Variants in FBXO36 observed in about 807,000 individuals in gnomAD.
The protein encoded by FBXO36 is F-box only protein 36.
A neutral mutation model predicts 17.0 loss-of-function variants in FBXO36; 18 were observed. The observed-to-expected ratio is 1.06, with a 90% CI of 0.73 to 1.57. The LOEUF is 1.57. Ranked by LOEUF, FBXO36 falls within the 40% of genes most tolerant of loss-of-function variation. The pLI, the probability that FBXO36 is intolerant of heterozygous loss-of-function variation, is 0.00. For synonymous variants in FBXO36, 83 were observed against 85.3 expected (o/e 0.97, Z 0.15); for missense variants, 229 against 221.9 (o/e 1.03, Z -0.20).
chr2:230,004,703 A>G (rs937447386), intron 3 of FBXO36, among the ~76,000 whole-genome samples: 2 of 152,108 alleles, frequency 1.3e-5, no homozygotes, highest in Admixed American at 1.3e-4. Flanking sequence ...CATATTTTAG[A>G]CACTTTTAAA....
At chr2:230,004,772 C>T (rs1310539007) in intron 3 of FBXO36, among the ~76,000 whole-genome samples, 1 of 152,002 alleles carries the variant, frequency 6.6e-6, no homozygotes, top group African/African-American at 2.4e-5. Flanking sequence ...TTTGGGAGGC[C>T]GAGGCAGGTG....
At chr2:229,966,821 T>G (rs1096526) in intron 1 of FBXO36, among the ~76,000 whole-genome samples, 30,922 of 152,160 alleles carry the variant, frequency 0.2, 3,552 homozygotes, top group East Asian at 0.46. Flanking sequence ...GCGTGATGCC[T>G]CCAGCTTTGT....
intron 1 of FBXO36, among the ~76,000 whole-genome samples, chr2:229,935,534 A>G (rs2076959566): frequency 6.6e-6 from 1 of 152,096 alleles, no homozygotes; most frequent in South Asian, 2.1e-4. Flanking sequence ...ATAAATAAAA[A>G]TAATAATAAT....
At chr2:229,944,927 AT>A (rs774943726) in intron 1 of FBXO36, among the ~76,000 whole-genome samples, 43 of 152,180 alleles carry the variant, frequency 2.8e-4, no homozygotes, top group Non-Finnish European at 5.6e-4. Context: ...CTAATAAATA[AT>A]TTAGTTAGGT....
At chr2:229,935,658 G>A (rs974194170) in intron 1 of FBXO36, among the ~76,000 whole-genome samples, 1 of 152,180 alleles carries the variant, frequency 6.6e-6, no homozygotes, top group African/African-American at 2.4e-5. Context: ...ATTCAACTCT[G>A]AAACAGAAGT....
chr2:229,937,388 G>A (rs919187166), intron 1 of FBXO36, among the ~76,000 whole-genome samples: 3 of 151,992 alleles, frequency 2.0e-5, no homozygotes, highest in Non-Finnish European at 4.4e-5. Flanking sequence ...CCAGCTACTC[G>A]GGAGGCTGAG....
At chr2:229,997,488 G>A (rs913815891) in intron 3 of FBXO36, among the ~76,000 whole-genome samples, 1 of 151,246 alleles carries the variant, frequency 6.6e-6, no homozygotes, top group South Asian at 2.1e-4. Context: ...TGAGGCAGGA[G>A]AATCACTTGA....
chr2:230,005,959 C>T (rs373895139), intron 3 of FBXO36, among the ~76,000 whole-genome samples: 2 of 152,196 alleles, frequency 1.3e-5, no homozygotes, highest in African/African-American at 4.8e-5. Context: ...TGAGCCACCA[C>T]GCCCAGCCCA....
intron 1 of FBXO36, among the ~76,000 whole-genome samples, chr2:229,940,555 A>G (rs2076992835): frequency 6.6e-6 from 1 of 152,162 alleles, no homozygotes; most frequent in African/African-American, 2.4e-5. Context: ...ACAGACTGTG[A>G]CCTTATTTAG....
At chr2:230,010,671 C>T (rs1255397172) in intron 3 of FBXO36, 25 bp from the exon 4 acceptor site, 45 of 1,583,964 alleles carry the variant, frequency 2.8e-5, no homozygotes, top group Non-Finnish European at 3.7e-5. Flanking sequence ...TGCTGTAACC[C>T]ACCTCTGACT....
At chr2:229,965,354 TATTTA>T (rs2077146538) in intron 1 of FBXO36, among the ~76,000 whole-genome samples, 1 of 150,774 alleles carries the variant, frequency 6.6e-6, no homozygotes, top group African/African-American at 2.4e-5. Context: ...TTTTCTTTTT[TATTTA>T]TTTATTTTTT....
At chr2:230,001,781 A>G (rs2077360202) in intron 3 of FBXO36, among the ~76,000 whole-genome samples, 1 of 151,754 alleles carries the variant, frequency 6.6e-6, no homozygotes, top group African/African-American at 2.4e-5. Context: ...ACTCCTGGGA[A>G]TTTCACTTAT....
intron 2 of FBXO36, among the ~76,000 whole-genome samples, chr2:229,986,039 C>G (rs1353724691): frequency 6.6e-6 from 1 of 151,966 alleles, no homozygotes; most frequent in African/African-American, 2.4e-5. Context: ...AGGATGAGAC[C>G]CTGTCTCGAA....
chr2:229,939,139 C>T (rs1453646316), intron 1 of FBXO36: 6 of 705,712 alleles, frequency 8.5e-6, no homozygotes, highest in Middle Eastern at 7.0e-4. Flanking sequence ...CCGCAACCTC[C>T]GGTTCCCGGG....
chr2:229,963,238 G>T (rs765418460), intron 1 of FBXO36, among the ~76,000 whole-genome samples: 27 of 151,128 alleles, frequency 1.8e-4, no homozygotes, highest in Non-Finnish European at 3.1e-4. Context: ...GCTAATTTTC[G>T]TATTTTTAGT....
intron 1 of FBXO36, among the ~76,000 whole-genome samples, chr2:229,948,063 C>G (rs527259109): frequency 2.6e-5 from 4 of 151,984 alleles, no homozygotes; most frequent in East Asian, 3.9e-4. Context: ...CTTTGGGAGG[C>G]CAAGACAGAA....
chr2:229,933,988 C>G (rs560067168), intron 1 of FBXO36, among the ~76,000 whole-genome samples: 4 of 151,182 alleles, frequency 2.6e-5, no homozygotes, highest in Admixed American at 1.3e-4. Context: ...GCCCAGCCCC[C>G]CTTTAAAAAA....
chr2:229,961,081 C>A (rs768142415), intron 1 of FBXO36, among the ~76,000 whole-genome samples: 3 of 151,954 alleles, frequency 2.0e-5, no homozygotes, highest in Non-Finnish European at 4.4e-5. Context: ...TGCCCTCCAG[C>A]CTGGGCCTCA....
At chr2:229,973,936 GCTA>G (rs1185609271) in intron 1 of FBXO36, among the ~76,000 whole-genome samples, 1 of 151,848 alleles carries the variant, frequency 6.6e-6, no homozygotes, top group East Asian at 1.9e-4. Context: ...TGTGGTCCCA[GCTA>G]CTCAGGAGGC....
Sources: allele counts gnomAD v4.1 joint callset (sites outside exome capture counted in the v4.1 genomes callset), GRCh38; gene constraint gnomAD v4.1.1; transcripts MANE v1.5; gene names NCBI Gene and HGNC (gene_info 2026-07-23, HGNC 2026-07-21).